The following TMEM150B variants were observed in gnomAD, a reference collection of about 807,000 sequenced individuals.
TMEM150B encodes transmembrane protein 150B, also known as modulator of macroautophagy TMEM150B.
TMEM150B carries 33 observed loss-of-function variants against 25.2 expected under a neutral mutation model. The ratio of observed to expected loss-of-function variants is 1.31; its 90% confidence interval spans 0.99 to 1.75. TMEM150B has a LOEUF of 1.75. Among genes scored for constraint, TMEM150B ranks in the 40% most tolerant of loss-of-function variants. TMEM150B has a pLI of 0.00. For synonymous variants in TMEM150B, 133 were observed against 134.8 expected, an observed-to-expected ratio of 0.99 and a Z score of 0.09; for missense variants, 322 against 306.1, an observed-to-expected ratio of 1.05 and a Z score of -0.39.
At chr19:55,319,580 G>A (rs902105046) in intron 6 of TMEM150B, 1 of 205,608 alleles carries the variant, frequency 4.9e-6, no homozygotes, top group Admixed American at 6.1e-5. Context: ...CACGTAGCTG[G>A]GATTAAGTCG....
chr19:55,314,912 C>T (rs2123053018), intron 7 of TMEM150B, among the ~76,000 whole-genome samples: 1 of 152,340 alleles, frequency 6.6e-6, no homozygotes, highest in African/African-American at 2.4e-5. Flanking sequence ...TTTCTCTGTA[C>T]TCTCTTCTGA....
chr19:55,323,411 G>A (rs1446208262), intron 1 of TMEM150B, among the ~76,000 whole-genome samples: 1 of 151,300 alleles, frequency 6.6e-6, no homozygotes, highest in Non-Finnish European at 1.5e-5. Context: ...CAGCCTGGGT[G>A]ACAAGAGCAA....
rs201733599 is a variant in TMEM150B at position 55,316,986 on chromosome 19, G to A, written c.325-20C>T. 1.2e-4 allele frequency: 194 copies of A among 1,588,492 alleles called. No homozygotes were observed. The African/African-American group carries it at 2.1e-3, about 18-fold the overall frequency. On this transcript the variant is annotated intron_variant, in intron 6 of 7. Coordinates refer to ENST00000326652, the MANE Select transcript of TMEM150B (RefSeq NM_001282011.2). ...CTTTTCCTGGGAGGAGAAGGGAGAA[G>A]TTGGGAGGGAGACTCTGGGAAGGAG...
chr19:55,323,932 A>C (rs1349759772), intron 1 of TMEM150B, among the ~76,000 whole-genome samples: 1 of 144,256 alleles, frequency 6.9e-6, no homozygotes, highest in Non-Finnish European at 1.5e-5. Context: ...TCAGCCTCCC[A>C]AGTAGCTGGG....
chr19:55,315,354 G>A (rs959297427), intron 7 of TMEM150B, among the ~76,000 whole-genome samples: 4 of 151,286 alleles, frequency 2.6e-5, no homozygotes, highest in African/African-American at 7.3e-5. Flanking sequence ...ATAATAGGCC[G>A]GGCATGGTGG....
chr19:55,323,465 G>A (rs1019829249), intron 1 of TMEM150B, among the ~76,000 whole-genome samples: 14 of 150,844 alleles, frequency 9.3e-5, no homozygotes, highest in Non-Finnish European at 1.0e-4. Flanking sequence ...GCGACTCAGC[G>A]ACATTAGTGC....
intron 6 of TMEM150B, chr19:55,319,720 A>G (rs2384688): frequency 0.49 from 545,690 of 1,109,056 alleles, 136,641 homozygotes; most frequent in African/African-American, 0.55. Flanking sequence ...AAAGTGCTGG[A>G]ATTACAGGCA....
At chr19:55,319,802 C>A in intron 6 of TMEM150B, 1 of 1,340,572 alleles carries the variant, frequency 7.5e-7, no homozygotes, top group Non-Finnish European at 9.6e-7. Flanking sequence ...GAAAATTATC[C>A]CAACGTCCTG....
intron 6 of TMEM150B, among the ~76,000 whole-genome samples, chr19:55,318,948 CA>C (rs2089098434): frequency 6.6e-6 from 1 of 152,072 alleles, no homozygotes; most frequent in Non-Finnish European, 1.5e-5. Context: ...GCTGGGACTA[CA>C]GGTTCACGCC....
In TMEM150B at chr19:55,321,112, A is replaced by G; in HGVS notation, c.-57-19T>C. The G allele has an allele frequency of 1.3e-6, 2 of 1,532,544 alleles. No individual in the cohort carries two copies. The highest frequency in any genetic ancestry group is 1.8e-6 in the Non-Finnish European group (2 of 1,141,072). 94.9% of individuals were successfully genotyped at this position (1,532,544 alleles called of 1,614,324 possible). ...CTCACACCTGAAGAACCAGCCCTCAAGGAGGGCCCAGGTGCATGAGATTGT... is the reference window on the plus strand; with the variant it reads ...CTCACACCTGAAGAACCAGCCCTCAGGGAGGGCCCAGGTGCATGAGATTGT... On this transcript the variant is annotated intron_variant, in intron 2 of 7. Coordinates refer to ENST00000326652, the MANE Select transcript of TMEM150B (RefSeq NM_001282011.2).
In TMEM150B at chr19:55,314,449, G is replaced by T. The variant is rs557828870; in HGVS notation, c.506-1394C>A. 9.2e-5 allele frequency among the ~76,000 whole-genome samples: 14 copies of T among 152,236 alleles called. No individual in the cohort carries two copies. The South Asian group carries it at 2.5e-3, about 27-fold the overall frequency. ...CTCCCTGGGCTGGTCTTTCTGCTCG[G>T]TGCGTGTACCTGCAGTGTGCCCTCA... On this transcript the variant is annotated intron_variant, in intron 7 of 7. Transcript: ENST00000326652.
intron 3 of TMEM150B, 56 bp downstream of exon 3, chr19:55,320,913 G>C: frequency 6.3e-7 from 1 of 1,575,596 alleles, no homozygotes; most frequent in Non-Finnish European, 8.6e-7. Context: ...CAGAAATCCA[G>C]GCCCCAGCCC....
intron 7 of TMEM150B, 85 bp downstream of exon 7, chr19:55,316,701 A>G (rs1445343682): frequency 1.6e-6 from 2 of 1,278,474 alleles, no homozygotes; most frequent in Non-Finnish European, 2.1e-6. Context: ...AGGAAGAGAC[A>G]TCCCCAGTGA....
At chr19:55,319,287 A>G (rs1170361625) in intron 6 of TMEM150B, among the ~76,000 whole-genome samples, 1 of 150,724 alleles carries the variant, frequency 6.6e-6, no homozygotes, top group African/African-American at 2.4e-5. Context: ...AATTTTTTGT[A>G]TTTTTAGTAG....
chr19:55,312,103 C>T, downstream of TMEM150B: 1 of 1,055,250 alleles, frequency 9.5e-7, no homozygotes, highest in Non-Finnish European at 1.3e-6. Flanking sequence ...GACCCCCCTC[C>T]ACCCCCCTTC....
rs888078690 is a variant in TMEM150B at position 55,323,794 on chromosome 19, C to T, written c.-153-1051G>A. Among the ~76,000 whole-genome samples, 7 of 144,260 alleles carry T rather than the reference C, an allele frequency of 4.9e-5. No individual in the cohort carries two copies. In the East Asian group the frequency reaches 1.5e-3, roughly 30 times the overall value. The allele number at this position is 144,260 out of a possible 152,430, so 94.6% of individuals were successfully genotyped here. On this transcript the variant is annotated intron_variant, in intron 1 of 7. Coordinates refer to ENST00000326652, the MANE Select transcript of TMEM150B (RefSeq NM_001282011.2). Reference sequence around the variant, plus strand: ...CTGGGATTACAGGCGTGAGACACTGCGCCCAACCTTTTTTTTTTTTTTTTT... The same window carrying T: ...CTGGGATTACAGGCGTGAGACACTGTGCCCAACCTTTTTTTTTTTTTTTTT...
chr19:55,314,377 C>T (rs1490512024), intron 7 of TMEM150B, among the ~76,000 whole-genome samples: 1 of 152,072 alleles, frequency 6.6e-6, no homozygotes, highest in African/African-American at 2.4e-5. Flanking sequence ...CCTCTGATCC[C>T]TAATTTTAGA....
downstream of TMEM150B, among the ~76,000 whole-genome samples, chr19:55,310,582 A>AT (rs35931424): frequency 0.17 from 26,319 of 151,944 alleles, 2,791 homozygotes; most frequent in South Asian, 0.23. The surrounding 1 kb of genome is among the most constrained non-coding windows in gnomAD (Gnocchi z 5.0). Flanking sequence ...GTCTGGAGAC[A>AT]TTTTTCCTCC....
At chr19:55,312,118 C>T (rs1327027007), downstream of TMEM150B, 10 of 779,532 alleles carry the variant, frequency 1.3e-5, no homozygotes, top group South Asian at 1.9e-5. Context: ...CCCTTCCGTG[C>T]CCCCCAACTG....
Sources: gnomAD v4.1 joint callset for allele counts (sites outside exome capture counted in the v4.1 genomes callset) on GRCh38, gnomAD v4.1.1 for gene constraint, Gnocchi (gnomAD v3.1) non-coding constraint, MANE v1.5 for transcripts, NCBI Gene and HGNC (gene_info 2026-07-23, HGNC 2026-07-21) for gene names.